The following PTBP3 variants were observed in gnomAD, a reference collection of about 807,000 sequenced individuals.
The protein encoded by PTBP3 is polypyrimidine tract-binding protein 3.
PTBP3 carries 20 observed loss-of-function variants against 58.7 expected under a neutral mutation model. That is an observed-to-expected ratio of 0.34 (90% CI 0.24 to 0.50). The LOEUF (loss-of-function observed/expected upper bound fraction) is 0.50. PTBP3 is among the 20% of genes least tolerant of loss of function. PTBP3 has a pLI of 0.98. For synonymous variants in PTBP3, 185 were observed against 219.8 expected (o/e 0.84, Z 1.40); for missense variants, 509 against 637.2 (o/e 0.80, Z 2.17).
the PTBP3 span, chr9:112,363,001 G>A: frequency 4.4e-6 from 1 of 228,820 alleles, no homozygotes; most frequent in Non-Finnish European, 8.9e-6. Flanking sequence ...TTACTGTCCT[G>A]AGATAGCTCA....
chr9:112,332,668 G>A, intron 1 of PTBP3: 1 of 1,262,710 alleles, frequency 7.9e-7, no homozygotes, highest in Non-Finnish European at 1.1e-6. Flanking sequence ...TGAGTCCCCA[G>A]AGAACAGTTT....
At chr9:112,298,014 T>C in intron 1 of PTBP3, 98 bp from the exon 2 acceptor site, 2 of 984,652 alleles carry the variant, frequency 2.0e-6, no homozygotes, top group Non-Finnish European at 3.0e-6. Flanking sequence ...ACTTCATCTT[T>C]GTATGAAGAC....
intron 7 of PTBP3, among the ~76,000 whole-genome samples, chr9:112,235,967 A>G (rs1835423509): frequency 6.6e-6 from 1 of 152,166 alleles, no homozygotes; most frequent in Admixed American, 6.5e-5. Flanking sequence ...ACAGAGAATG[A>G]GAAATGAAAA....
At chr9:112,325,455 C>T (rs751086206) in intron 1 of PTBP3, among the ~76,000 whole-genome samples, 8 of 152,070 alleles carry the variant, frequency 5.3e-5, no homozygotes, top group Non-Finnish European at 1.2e-4. Flanking sequence ...GCTCCCCTTT[C>T]GCTTAATAAA....
chr9:112,295,914 C>G (rs1828665004), intron 2 of PTBP3, among the ~76,000 whole-genome samples: 1 of 152,132 alleles, frequency 6.6e-6, no homozygotes. Context: ...TGTTTTAGAA[C>G]TAGATCAAGC....
At chr9:112,293,424 C>T (rs995274947) in intron 2 of PTBP3, among the ~76,000 whole-genome samples, 1 of 152,138 alleles carries the variant, frequency 6.6e-6, no homozygotes, top group African/African-American at 2.4e-5. Flanking sequence ...TAAACATACA[C>T]AAAATACAGT....
the PTBP3 span, chr9:112,362,776 TCAC>T: frequency 3.8e-6 from 1 of 264,190 alleles, no homozygotes; most frequent in Admixed American, 4.1e-5. Context: ...AGAAGTTCAT[TCAC>T]CACCAGTCAG....
intron 7 of PTBP3, among the ~76,000 whole-genome samples, chr9:112,243,131 TA>T (rs34908344): frequency 0.011 from 1,562 of 140,524 alleles, 22 homozygotes; most frequent in African/African-American, 0.034. Context: ...TCTTACAGCT[TA>T]AAAAAAAAAA....
chr9:112,263,000 C>A (rs1218063930), intron 4 of PTBP3, among the ~76,000 whole-genome samples: 2 of 152,112 alleles, frequency 1.3e-5, no homozygotes, highest in East Asian at 3.8e-4. Flanking sequence ...CTAAAAGAGA[C>A]CAAGGCACTC....
chr9:112,219,137 C>T lies in PTBP3; in HGVS notation c.*4714G>A, dbSNP rs911426437. 2 of 152,576 alleles carry T rather than the reference C, an allele frequency of 1.3e-5. No individual in the cohort carries two copies. The highest frequency in any genetic ancestry group is 2.4e-5 in the African/African-American group (1 of 41,428). The allele number at this position is 152,576 out of a possible 1,614,324, so 9.5% of individuals were successfully genotyped here. The stretch of plus-strand genomic sequence containing the variant: ...AGGAGCTTGGGGAAAATGCAAAATG[C>T]TTTACAGAGAGGAGTTAAAACCACA... On this transcript the variant is annotated 3_prime_UTR_variant, in exon 14 of 14. Transcript: ENST00000374257.
At chr9:112,270,117 T>C (rs1251647563) in intron 3 of PTBP3, among the ~76,000 whole-genome samples, 3 of 152,052 alleles carry the variant, frequency 2.0e-5, no homozygotes, top group African/African-American at 4.8e-5. Context: ...CGGCTAATTT[T>C]TGGGTTTATA....
intron 1 of PTBP3, among the ~76,000 whole-genome samples, chr9:112,322,972 G>T (rs928214315): frequency 6.6e-6 from 1 of 152,216 alleles, no homozygotes; most frequent in Admixed American, 6.5e-5. Flanking sequence ...ATCTGAACAG[G>T]TGTGGTGGCT....
chr9:112,266,853 G>A (rs977795488), intron 4 of PTBP3, among the ~76,000 whole-genome samples: 1 of 152,098 alleles, frequency 6.6e-6, no homozygotes, highest in Non-Finnish European at 1.5e-5. Flanking sequence ...ATTGAATGGT[G>A]TACCAAAAGC....
chr9:112,224,283 T>C lies in PTBP3; in HGVS notation c.1365-73A>G, dbSNP rs1261700373. On this transcript the variant is annotated intron_variant, in intron 12 of 13. Transcript: ENST00000374257. ...TGAAGCAGATTAACTCTTGCAATCATCAAATCTCTAGAGTACATTTCAAAC... is the reference window on the plus strand; with the variant it reads ...TGAAGCAGATTAACTCTTGCAATCACCAAATCTCTAGAGTACATTTCAAAC... The C allele has an allele frequency of 5.5e-6, 5 of 913,430 alleles. No homozygotes were observed. The African/African-American group carries it at 6.9e-5, about 13-fold the overall frequency. The allele number at this position is 913,430 out of a possible 1,614,324, so 56.6% of individuals were successfully genotyped here. A position where few individuals can be genotyped will look rare whatever the true frequency, so the allele number is the denominator to read the frequency against.
the PTBP3 span, among the ~76,000 whole-genome samples, chr9:112,369,153 G>A: frequency 6.6e-6 from 1 of 152,236 alleles, no homozygotes; most frequent in Admixed American, 6.5e-5. Context: ...CCTCTGCTAG[G>A]GCAGTGTGGA....
the PTBP3 span, among the ~76,000 whole-genome samples, chr9:112,342,034 AATGT>A: frequency 6.6e-6 from 1 of 152,186 alleles, no homozygotes; most frequent in South Asian, 2.1e-4. Flanking sequence ...GCCCTCACCC[AATGT>A]GGGCAGGCAT....
At chr9:112,357,178 G>A in the PTBP3 span, among the ~76,000 whole-genome samples, 6 of 151,810 alleles carry the variant, frequency 4.0e-5, no homozygotes, top group South Asian at 6.2e-4. Flanking sequence ...CACCGCACCC[G>A]GCCTCCCTCT....
At chr9:112,310,848 G>A (rs1373768982) in intron 1 of PTBP3, among the ~76,000 whole-genome samples, 7 of 152,200 alleles carry the variant, frequency 4.6e-5, no homozygotes, top group African/African-American at 1.7e-4. Context: ...AGGGAAGAAT[G>A]TTGTAGGTAG....
Position 112,262,487 on chromosome 9 carries a change from C to A in PTBP3, c.464G>T (p.Arg155Leu). ...GTAAAAGAGGTTTTCAATAATTATTCGAAGCACAGGGCTCTGCCCAGGTAG... is the reference window on the plus strand; with the variant it reads ...GTAAAAGAGGTTTTCAATAATTATTAGAAGCACAGGGCTCTGCCCAGGTAG... ...TVLPGQSPVL[R>L]IIIENLFYPV... Residue 155 changes from arginine (R) to leucine (L), a missense_variant, in exon 5 of 14, where the codon CGA (arginine) becomes CTA (leucine). By Grantham distance (102) the Arg-to-Leu change is moderately radical. This residue lies in a region of PTBP3 where 212 missense variants were observed against 215.3 expected (regional missense o/e 0.98). Transcript: ENST00000374257. 1.2e-6 allele frequency: 2 copies of A among 1,609,736 alleles called. No homozygotes were observed. Among genetic ancestry groups the A allele is most frequent in the South Asian group, 2.2e-5 (2 of 90,040 alleles).
Sources: allele counts gnomAD v4.1 joint callset (sites outside exome capture counted in the v4.1 genomes callset), GRCh38; gene constraint gnomAD v4.1.1; regional missense constraint gnomAD v4.1.1; transcripts MANE v1.5; gene names NCBI Gene and HGNC (gene_info 2026-07-23, HGNC 2026-07-21).